KCNMA1: variants seen among roughly 807,000 people sequenced by gnomAD.
The protein encoded by KCNMA1 is potassium calcium-activated channel subfamily M alpha 1.
KCNMA1 carries 29 observed loss-of-function variants against 140.0 expected under a neutral mutation model. That is an observed-to-expected ratio of 0.21 (90% confidence interval 0.15 to 0.28). The LOEUF (loss-of-function observed/expected upper bound fraction) is 0.28, where lower values mean the gene tolerates loss of function less well. Among genes scored for constraint, KCNMA1 ranks in the 10% least tolerant of loss-of-function variants. The pLI is 1.00. For missense variants in KCNMA1, 880 were observed against 1,602.2 expected (o/e 0.55, Z 7.70); for synonymous variants, 612 against 611.9 (o/e 1.00, Z 0.00).
At chr10:77,469,618 G>A (rs1182559610) in intron 1 of KCNMA1, among the ~76,000 whole-genome samples, 1 of 152,168 alleles carries the variant, frequency 6.6e-6, no homozygotes, top group Non-Finnish European at 1.5e-5. Context: ...GACTTCAGAG[G>A]TATCACCCAC....
At chr10:77,155,383 C>T (rs2098471155) in intron 5 of KCNMA1, among the ~76,000 whole-genome samples, 1 of 152,206 alleles carries the variant, frequency 6.6e-6, no homozygotes, top group Admixed American at 6.5e-5. Context: ...CAACACCTTA[C>T]ATGCGGTGGC....
intron 2 of KCNMA1, among the ~76,000 whole-genome samples, chr10:77,337,609 G>C (rs2089581519): frequency 6.6e-6 from 1 of 152,186 alleles, no homozygotes; most frequent in Non-Finnish European, 1.5e-5. Flanking sequence ...GACAGAGTGA[G>C]ACTCTGTGTC....
chr10:77,494,316 G>T (rs1006117332), intron 1 of KCNMA1, among the ~76,000 whole-genome samples: 1 of 152,216 alleles, frequency 6.6e-6, no homozygotes, highest in Admixed American at 6.5e-5. Flanking sequence ...GGGCTGAATA[G>T]GTACTTAGGA....
rs199865838 is a variant in KCNMA1, at chr10:77,025,233, GGT to G, written c.1928+2588_1928+2589del. On this transcript the variant is annotated intron_variant, in intron 16 of 27. Transcript: ENST00000286628. ...AATTTATGTACTCTAGTTGGAGAGG[GGT>G]GTGTGTGTATATATATATATATATA... is the stretch of plus-strand genomic sequence containing the variant. Among the ~76,000 whole-genome samples the G allele has an allele frequency of 0.13, 7,907 of 58,814 alleles. 1,369 individuals are homozygous for G. Among genetic ancestry groups the G allele is most frequent in the Non-Finnish European group, 0.17 (5,385 of 31,412 alleles). 38.6% of individuals were successfully genotyped at this position (58,814 alleles called of 152,430 possible).
chr10:77,188,759 C>G (rs1304392905), intron 3 of KCNMA1, among the ~76,000 whole-genome samples: 1 of 152,150 alleles, frequency 6.6e-6, no homozygotes, highest in Non-Finnish European at 1.5e-5. Flanking sequence ...CAGGATGATC[C>G]AACAGACCTT....
intron 1 of KCNMA1, among the ~76,000 whole-genome samples, chr10:77,585,769 T>C (rs1376028073): frequency 1.3e-5 from 2 of 152,220 alleles, no homozygotes; most frequent in African/African-American, 2.4e-5. Context: ...CACCTTCAGT[T>C]ATACCCATCC....
At chr10:77,171,561 C>T (rs950100590) in intron 5 of KCNMA1, among the ~76,000 whole-genome samples, 1 of 152,144 alleles carries the variant, frequency 6.6e-6, no homozygotes, top group African/African-American at 2.4e-5. Context: ...ATTCTGGTGA[C>T]TGAGTTCATC....
chr10:77,203,240 T>G (rs2154158567), intron 3 of KCNMA1, among the ~76,000 whole-genome samples: 1 of 152,280 alleles, frequency 6.6e-6, no homozygotes, highest in South Asian at 2.1e-4. Context: ...ACAACAATTT[T>G]TAAAGAAGTT....
chr10:77,068,698 T>TCGTGTGTG (rs139450755), intron 14 of KCNMA1, among the ~76,000 whole-genome samples: 369 of 132,642 alleles, frequency 2.8e-3, no homozygotes, highest in Non-Finnish European at 3.2e-3. Context: ...GTTCCAGGTT[T>TCGTGTGTG]TGTGTGTGTG....
chr10:77,423,858 G>A (rs1031689359), intron 1 of KCNMA1, among the ~76,000 whole-genome samples: 7 of 152,166 alleles, frequency 4.6e-5, no homozygotes, highest in African/African-American at 9.7e-5. Flanking sequence ...GAGGCACCCC[G>A]TGGAAGTCAA....
At chr10:77,524,677 G>T (rs1020755074) in intron 1 of KCNMA1, among the ~76,000 whole-genome samples, 9 of 152,170 alleles carry the variant, frequency 5.9e-5, no homozygotes, top group Non-Finnish European at 1.3e-4. Flanking sequence ...CAGCTTGTGG[G>T]TTGCTTTATT....
intron 20 of KCNMA1, among the ~76,000 whole-genome samples, chr10:76,969,636 C>T (rs561865599): frequency 6.6e-6 from 1 of 152,332 alleles, no homozygotes; most frequent in Non-Finnish European, 1.5e-5. Flanking sequence ...ACACGAGTTT[C>T]TCTGATTGGT....
intron 2 of KCNMA1, among the ~76,000 whole-genome samples, chr10:77,332,986 G>A (rs1324559073): frequency 1.3e-5 from 2 of 152,210 alleles, no homozygotes; most frequent in African/African-American, 2.4e-5. Context: ...TTCTCTTTAA[G>A]CAAGGGGGAC....
chr10:77,459,907 T>A (rs1005623231), intron 1 of KCNMA1, among the ~76,000 whole-genome samples: 14 of 152,198 alleles, frequency 9.2e-5, no homozygotes, highest in South Asian at 2.1e-4. Flanking sequence ...CCAATATGGT[T>A]GTCAAGAAAA....
rs2075561366 is a variant in KCNMA1, at chr10:76,970,032, T to C, written c.2302A>G (p.Lys768Glu). The change falls in exon 20 of 28, where the codon AAA becomes GAA. Residue 768 changes from lysine to glutamate, a missense_variant. Lys to Glu is a moderately conservative substitution (Grantham distance 56). Coordinates refer to ENST00000286628, the MANE Select transcript of KCNMA1 (RefSeq NM_001161352.2). ...CGCATGCCTCCATTCCGTTGCTTTT[T>C]TTTTGGTGATAGTGTTGACGGCTGC... is the stretch of plus-strand genomic sequence containing the variant. ...DEQPSTLSPK[K>E]KQRNGGMRNS... 6.2e-7 allele frequency: 1 copy of C among 1,614,106 alleles called. No individual in the cohort carries two copies.
At chr10:77,196,152 T>C (rs2040406015) in intron 3 of KCNMA1, among the ~76,000 whole-genome samples, 1 of 152,104 alleles carries the variant, frequency 6.6e-6, no homozygotes, top group South Asian at 2.1e-4. Context: ...CCTATCATTA[T>C]AAAAACATCT....
intron 2 of KCNMA1, among the ~76,000 whole-genome samples, chr10:77,267,538 CT>C (rs1196109393): frequency 6.6e-6 from 1 of 152,188 alleles, no homozygotes; most frequent in African/African-American, 2.4e-5. Flanking sequence ...ATCTCATCAG[CT>C]TTCCAGAGTT....
intron 19 of KCNMA1, among the ~76,000 whole-genome samples, chr10:76,991,849 T>G (rs1234145406): frequency 1.3e-5 from 2 of 152,188 alleles, no homozygotes; most frequent in Non-Finnish European, 2.9e-5. Flanking sequence ...TGAAGATCAT[T>G]TTAATGCAAG....
intron 1 of KCNMA1, among the ~76,000 whole-genome samples, chr10:77,482,606 T>C (rs923231120): frequency 1.3e-5 from 2 of 152,090 alleles, no homozygotes; most frequent in Non-Finnish European, 2.9e-5. Context: ...TGCCTGCCCC[T>C]TCCAGCCACA....
Sources: gnomAD v4.1 joint callset for allele counts (sites outside exome capture counted in the v4.1 genomes callset) on GRCh38, gnomAD v4.1.1 for gene constraint, MANE v1.5 for transcripts, NCBI Gene and HGNC (gene_info 2026-07-23, HGNC 2026-07-21) for gene names.